WDR41: variants seen among roughly 807,000 people sequenced by gnomAD.
The protein encoded by WDR41 is WD repeat-containing protein 41.
A neutral mutation model predicts 69.3 loss-of-function variants in WDR41; 63 were observed. The observed-to-expected ratio is 0.91, with a 90% CI of 0.74 to 1.12. The LOEUF (loss-of-function observed/expected upper bound fraction) is 1.12. Ranked by LOEUF, WDR41 falls within the 50% of genes most tolerant of loss-of-function variation. The pLI is 0.00. For synonymous variants in WDR41, 185 were observed against 192.1 expected, an observed-to-expected ratio of 0.96 and a Z score of 0.31; for missense variants, 543 against 534.5, an observed-to-expected ratio of 1.02 and a Z score of -0.16.
At chr5:77,433,312 A>G in intron 12 of WDR41, 25 bp from the exon 13 acceptor site, 1 of 1,603,382 alleles carries the variant, frequency 6.2e-7, no homozygotes, top group Non-Finnish European at 8.5e-7. Context: ...AAAACTGATT[A>G]TAGGGACCCC....
chr5:77,574,163 T>C (rs2112278522), intron 1 of WDR41, among the ~76,000 whole-genome samples: 1 of 152,126 alleles, frequency 6.6e-6, no homozygotes, highest in Admixed American at 6.5e-5. Context: ...CCAGGTATGG[T>C]GGCACGTTCC....
intron 1 of WDR41, among the ~76,000 whole-genome samples, chr5:77,556,229 G>A (rs948304324): frequency 4.0e-5 from 6 of 148,210 alleles, no homozygotes; most frequent in Non-Finnish European, 7.4e-5. Flanking sequence ...TCAGCCTGCC[G>A]AAATAGCTGG....
At chr5:77,492,905 T>C (rs755430161), upstream of WDR41, among the ~76,000 whole-genome samples, 1 of 152,220 alleles carries the variant, frequency 6.6e-6, no homozygotes, top group Non-Finnish European at 1.5e-5. Flanking sequence ...TTAGGTAATT[T>C]GTCTAAAGAT....
chr5:77,436,381 C>A lies in WDR41; in HGVS notation c.1107G>T (p.Met369Ile), dbSNP rs750958354. 6.2e-6 allele frequency: 10 copies of A among 1,613,704 alleles called. No individual in the cohort carries two copies. The South Asian group carries it at 1.1e-4, about 18-fold the overall frequency. ...GTTTGCTGACTCTTCCAAATCCCCA[C>A]ATGTTAAAAAAACCTAGAAAAAGAA... ...AEPVPTGFFN[M>I]WGFGRVSKQA... The change falls in exon 12 of 13, where the codon ATG (methionine) becomes ATT (isoleucine). Residue 369 changes from methionine (M) to isoleucine (I), a missense_variant. By Grantham distance (10) the Met-to-Ile change is conservative. Coordinates refer to ENST00000296679, the MANE Select transcript of WDR41 (RefSeq NM_018268.4).
chr5:77,584,317 T>G (rs887859489), intron 1 of WDR41, among the ~76,000 whole-genome samples: 4 of 152,164 alleles, frequency 2.6e-5, no homozygotes, highest in African/African-American at 7.2e-5. Flanking sequence ...TAGCAGATGA[T>G]ATAACCTTGT....
At chr5:77,581,215 A>C (rs751311306) in intron 1 of WDR41, among the ~76,000 whole-genome samples, 25 of 152,110 alleles carry the variant, frequency 1.6e-4, no homozygotes, top group Admixed American at 3.3e-4. Context: ...GATACTACTA[A>C]TAACAGACAA....
intron 8 of WDR41, among the ~76,000 whole-genome samples, chr5:77,442,894 C>CAAAAAAAAAAAAAAAAAAAAAA (rs60442242): frequency 8.9e-5 from 5 of 56,262 alleles, no homozygotes; most frequent in African/African-American, 4.0e-4. Flanking sequence ...TCTGTCTCCC[C>CAAAAAAAAAAAAAAAAAAAAAA]AAAAAAAAAA....
intron 2 of WDR41, among the ~76,000 whole-genome samples, chr5:77,482,505 T>A (rs1321939675): frequency 6.6e-6 from 1 of 152,172 alleles, no homozygotes; most frequent in Non-Finnish European, 1.5e-5. Context: ...CTTGTCGAGT[T>A]CTCACAGTCT....
intron 1 of WDR41, among the ~76,000 whole-genome samples, chr5:77,561,554 T>C (rs1019701869): frequency 1.3e-5 from 2 of 152,168 alleles, no homozygotes; most frequent in African/African-American, 4.8e-5. Context: ...AGAAATCTTA[T>C]TAATATATAG....
At chr5:77,506,515 G>C (rs1802110807) in intron 1 of WDR41, among the ~76,000 whole-genome samples, 1 of 152,256 alleles carries the variant, frequency 6.6e-6, no homozygotes, top group Admixed American at 6.5e-5. Flanking sequence ...AACACCATTT[G>C]ACCCAGCAAT....
intron 1 of WDR41, among the ~76,000 whole-genome samples, chr5:77,518,080 AG>A (rs1802317908): frequency 6.6e-6 from 1 of 152,164 alleles, no homozygotes; most frequent in Non-Finnish European, 1.5e-5. Context: ...TACCTCCCTG[AG>A]GTGGCTCGGC....
intron 1 of WDR41, among the ~76,000 whole-genome samples, chr5:77,603,695 T>C (rs1345119215): frequency 6.6e-6 from 1 of 152,224 alleles, no homozygotes; most frequent in African/African-American, 2.4e-5. Context: ...TCCAGTAGTT[T>C]TATAGTTTTA....
intron 5 of WDR41, among the ~76,000 whole-genome samples, chr5:77,457,123 G>C (rs576405234): frequency 3.9e-5 from 6 of 152,226 alleles, no homozygotes; most frequent in Non-Finnish European, 7.4e-5. Context: ...AAGGGTGTTG[G>C]AGTTTGTCAA....
rs1743967246 is a variant in WDR41 at position 77,582,896 on chromosome 5, T to A, written c.42+37583A>T. 5 of 1,608,182 alleles carry A rather than the reference T, an allele frequency of 3.1e-6. No homozygotes were observed. In the East Asian group the frequency reaches 1.1e-4, roughly 36 times the overall value. On this transcript the variant is annotated intron_variant, in intron 1 of 5. Transcript: ENST00000509971. ...CGAATTGCTTTGACAGATAACGCTTTGATTGCTCGATCTCTTGGTAAATAC... is the reference window on the plus strand; with the variant it reads ...CGAATTGCTTTGACAGATAACGCTTAGATTGCTCGATCTCTTGGTAAATAC...
At chr5:77,533,544 A>T (rs1395248045) in intron 1 of WDR41, among the ~76,000 whole-genome samples, 2 of 152,142 alleles carry the variant, frequency 1.3e-5, no homozygotes, top group Non-Finnish European at 2.9e-5. Context: ...ATCTATACCT[A>T]TCCCAAATAC....
At chr5:77,524,202 A>C (rs574032864) in intron 1 of WDR41, among the ~76,000 whole-genome samples, 3 of 152,330 alleles carry the variant, frequency 2.0e-5, no homozygotes, top group South Asian at 2.1e-4. Flanking sequence ...TAAAAATAGA[A>C]TCGGTAACTT....
intron 1 of WDR41, among the ~76,000 whole-genome samples, chr5:77,503,483 C>A (rs1414570755): frequency 6.6e-6 from 1 of 152,166 alleles, no homozygotes; most frequent in Non-Finnish European, 1.5e-5. Context: ...AGAAGGTTAA[C>A]AAGGATATCC....
Position 77,453,866 on chromosome 5 carries a change from CCA to C in WDR41, c.472_473del (p.Trp158GlufsTer9). Reference protein sequence around the residue: ...WLSGGNDLCVWNRKLDLLCKT... With the variant: ...WLSGGNDLCVXNRKLDLLCKT... ...TACACAGGAGATCTAATTTTCGGTT[CCA>C]CACACACAGGTCATTCCCACCAGAA... On this transcript the variant is annotated frameshift_variant, in exon 6 of 13. Coordinates refer to ENST00000296679, the MANE Select transcript of WDR41 (RefSeq NM_018268.4). LOFTEE classifies it high-confidence loss of function. 1.2e-6 allele frequency: 2 copies of C among 1,613,990 alleles called. No individual in the cohort carries two copies. The highest frequency in any genetic ancestry group is 2.2e-5 in the South Asian group (2 of 91,078).
chr5:77,445,275 G>T (rs1465312193), intron 8 of WDR41, among the ~76,000 whole-genome samples: 1 of 152,096 alleles, frequency 6.6e-6, no homozygotes, highest in Non-Finnish European at 1.5e-5. Context: ...CTGAAATTGA[G>T]GCAGTAATTA....
Sources: allele counts gnomAD v4.1 joint callset (sites outside exome capture counted in the v4.1 genomes callset), GRCh38; gene constraint gnomAD v4.1.1; transcripts MANE v1.5; gene names NCBI Gene and HGNC (gene_info 2026-07-23, HGNC 2026-07-21).